NOX4: variants seen among roughly 807,000 people sequenced by gnomAD.
NOX4 encodes the protein kidney oxidase-1.
NOX4 carries 69 observed loss-of-function variants against 87.6 expected under a neutral mutation model. That is an observed-to-expected ratio of 0.79 (90% CI 0.65 to 0.96). NOX4 has a LOEUF of 0.96. Ranked by LOEUF, NOX4 falls within the 40% of genes least tolerant of loss-of-function variation. The pLI, the probability that NOX4 is intolerant of heterozygous loss-of-function variation, is 0.00. For missense variants in NOX4, 680 were observed against 681.5 expected (o/e 1.00, Z 0.02); for synonymous variants, 275 against 238.2 (o/e 1.15, Z -1.42).
At chr11:89,439,126 C>G (rs1944346948) in intron 6 of NOX4, among the ~76,000 whole-genome samples, 1 of 146,464 alleles carries the variant, frequency 6.8e-6, no homozygotes, top group Non-Finnish European at 1.5e-5. Context: ...CTCTTTGTGT[C>G]TTTGTAAACT....
At chr11:89,438,911 T>C (rs1301872112) in intron 6 of NOX4, among the ~76,000 whole-genome samples, 6 of 58,438 alleles carry the variant, frequency 1.0e-4, no homozygotes, top group Admixed American at 3.5e-4. Flanking sequence ...ATATAATATA[T>C]AATATAAAAT....
At chr11:89,478,380 A>T (rs1445368168) in intron 2 of NOX4, among the ~76,000 whole-genome samples, 2 of 152,240 alleles carry the variant, frequency 1.3e-5, no homozygotes, top group Non-Finnish European at 2.9e-5. Flanking sequence ...TAAATCATTT[A>T]CAGGTATATT....
rs995359113 is a variant in NOX4, at chr11:89,470,012, G to A, written c.154-18117C>T. On this transcript the variant is annotated intron_variant, in intron 2 of 17. Transcript: ENST00000263317. ...ACCTGAATATGAAGCCCCTTAACTA[G>A]CTGTGTGGTCTTAGGTAACTATGTG... 3.3e-5 allele frequency among the ~76,000 whole-genome samples: 5 copies of A among 151,710 alleles called. No homozygotes were observed. The East Asian group carries it at 9.7e-4, about 29-fold the overall frequency.
At chr11:89,328,614 C>G (rs1449684518) in intron 17 of NOX4, among the ~76,000 whole-genome samples, 2 of 151,906 alleles carry the variant, frequency 1.3e-5, no homozygotes, top group East Asian at 1.9e-4. Flanking sequence ...CAAAAAAGTA[C>G]CAGGAATTCA....
At chr11:89,413,921 TTAAAAA>T (rs1255200572) in intron 8 of NOX4, among the ~76,000 whole-genome samples, 1 of 152,054 alleles carries the variant, frequency 6.6e-6, no homozygotes, top group African/African-American at 2.4e-5. Context: ...TTCATAAAAA[TTAAAAA>T]TAGAAAAGTT....
upstream of NOX4, among the ~76,000 whole-genome samples, chr11:89,491,721 C>T (rs1296285712): frequency 1.8e-5 from 2 of 112,220 alleles, no homozygotes; most frequent in African/African-American, 6.6e-5. Flanking sequence ...CCTCGCCGCC[C>T]CCTTGTACAC....
At chr11:89,549,734 T>C in the NOX4 span, among the ~76,000 whole-genome samples, 4 of 152,202 alleles carry the variant, frequency 2.6e-5, no homozygotes, top group Non-Finnish European at 2.9e-5. Context: ...AGTCAGAACA[T>C]GCAGTGTTTG....
chr11:89,581,126 A>T, the NOX4 span, among the ~76,000 whole-genome samples: 1 of 152,192 alleles, frequency 6.6e-6, no homozygotes, highest in South Asian at 2.1e-4. Flanking sequence ...TATGAAGTGG[A>T]GGGGAGAATT....
intron 2 of NOX4, among the ~76,000 whole-genome samples, chr11:89,466,086 G>A (rs1319811989): frequency 6.6e-6 from 1 of 151,988 alleles, no homozygotes; most frequent in African/African-American, 2.4e-5. Context: ...CAAGGAAGAG[G>A]GCCCTCATCA....
chr11:89,397,767 A>T (rs528940830), intron 11 of NOX4, among the ~76,000 whole-genome samples: 2 of 152,164 alleles, frequency 1.3e-5, no homozygotes, highest in East Asian at 3.9e-4. Context: ...TAAACCAGGA[A>T]GAAGTTGAAT....
intron 2 of NOX4, among the ~76,000 whole-genome samples, chr11:89,465,523 T>C (rs756945787): frequency 1.3e-5 from 2 of 152,226 alleles, no homozygotes; most frequent in African/African-American, 2.4e-5. Flanking sequence ...GGTCAAATGG[T>C]ATTTCTATTC....
intron 11 of NOX4, among the ~76,000 whole-genome samples, chr11:89,392,979 C>T (rs1296588070): frequency 6.6e-6 from 1 of 152,104 alleles, no homozygotes; most frequent in Non-Finnish European, 1.5e-5. Flanking sequence ...GCACTCCCAT[C>T]CCTCAAATTC....
At chr11:89,588,374 G>C in the NOX4 span, among the ~76,000 whole-genome samples, 4 of 151,938 alleles carry the variant, frequency 2.6e-5, no homozygotes, top group Non-Finnish European at 5.9e-5. Flanking sequence ...CAGAAGCATC[G>C]AGAAATACAT....
At chr11:89,560,380 T>C in the NOX4 span, among the ~76,000 whole-genome samples, 1 of 152,112 alleles carries the variant, frequency 6.6e-6, no homozygotes, top group African/African-American at 2.4e-5. Flanking sequence ...CCCAGAACTG[T>C]GAAACAAACA....
chr11:89,509,990 G>A, the NOX4 span, among the ~76,000 whole-genome samples: 1 of 152,154 alleles, frequency 6.6e-6, no homozygotes, highest in South Asian at 2.1e-4. Context: ...CATTAATGGA[G>A]GTAATTTGAA....
At chr11:89,455,618 G>A (rs1177021274) in intron 2 of NOX4, among the ~76,000 whole-genome samples, 1 of 151,790 alleles carries the variant, frequency 6.6e-6, no homozygotes. Context: ...CACAAAGCTT[G>A]TATGTCCACC....
upstream of NOX4, among the ~76,000 whole-genome samples, chr11:89,501,551 A>ATAC (rs1947020392): frequency 6.6e-6 from 1 of 152,082 alleles, no homozygotes; most frequent in Non-Finnish European, 1.5e-5. Context: ...ATAAGCAAGA[A>ATAC]TACTACTAAG....
At chr11:89,570,275 T>G in the NOX4 span, among the ~76,000 whole-genome samples, 3 of 152,170 alleles carry the variant, frequency 2.0e-5, no homozygotes, top group Admixed American at 2.0e-4. Flanking sequence ...ACACCACATG[T>G]TCTCACTTAT....
At chr11:89,371,858 C>T (rs1167761107) in intron 12 of NOX4, among the ~76,000 whole-genome samples, 2 of 151,856 alleles carry the variant, frequency 1.3e-5, no homozygotes, top group Non-Finnish European at 2.9e-5. Flanking sequence ...GTTATTACTG[C>T]TCAAAGATCT....
Sources: gnomAD v4.1 joint callset for allele counts (sites outside exome capture counted in the v4.1 genomes callset) on GRCh38, gnomAD v4.1.1 for gene constraint, MANE v1.5 for transcripts, NCBI Gene and HGNC (gene_info 2026-07-23, HGNC 2026-07-21) for gene names.